PRDM16: variants seen among roughly 807,000 people sequenced by gnomAD.
PRDM16 encodes the protein histone-lysine N-methyltransferase PRDM16.
A neutral mutation model predicts 110.6 loss-of-function variants in PRDM16; 23 were observed. The observed-to-expected ratio is 0.21, with a 90% CI of 0.15 to 0.29. The LOEUF (loss-of-function observed/expected upper bound fraction) is 0.29. Among genes scored for constraint, PRDM16 ranks in the 10% least tolerant of loss-of-function variants. The pLI is 1.00. For synonymous variants in PRDM16, 799 were observed against 781.8 expected (o/e 1.02, Z -0.37); for missense variants, 1,615 against 1,794.3 (o/e 0.90, Z 1.81).
Position 3,434,317 on chromosome 1 carries a change from T to A in PRDM16, c.*506T>A, listed in dbSNP as rs961151487. The A allele has an allele frequency of 2.6e-5, 6 of 232,910 alleles. No individual in the cohort carries two copies. The highest frequency in any genetic ancestry group is 1.3e-3 in the Middle Eastern group (1 of 790). The allele number at this position is 232,910 out of a possible 1,614,324, so 14.4% of individuals were successfully genotyped here. A position where few individuals can be genotyped will look rare whatever the true frequency, so the allele number is the denominator to read the frequency against. On this transcript the variant is annotated 3_prime_UTR_variant, in exon 17 of 17. Transcript: ENST00000270722. ...GGTTTTAAAAATAGACAGTATTTTT[T>A]AAAAATCAAAAAATGACTTGCAAAT...
chr1:3,421,504 C>T (rs931266796), intron 12 of PRDM16, among the ~76,000 whole-genome samples: 5 of 152,216 alleles, frequency 3.3e-5, no homozygotes, highest in African/African-American at 1.2e-4. Flanking sequence ...CCCAGCTGCT[C>T]GGAGAACTCT....
intron 3 of PRDM16, among the ~76,000 whole-genome samples, chr1:3,375,769 A>G (rs1642980416): frequency 6.6e-6 from 1 of 151,672 alleles, no homozygotes; most frequent in African/African-American, 2.4e-5. Context: ...TCAGATGGAA[A>G]CTCCTCTTTG....
At position 3,382,547 on chromosome 1, in the gene PRDM16, A is replaced by G. The variant is rs1643119130; in HGVS notation, c.439-2605A>G. Among the ~76,000 whole-genome samples, 1 of 152,168 alleles carries G rather than the reference A, an allele frequency of 6.6e-6. No individual in the cohort carries two copies. Among genetic ancestry groups the G allele is most frequent in the African/African-American group, 2.4e-5 (1 of 41,430 alleles). Reference sequence around the variant, plus strand: ...ACAGCAGGGTGGCCACAGACTCCCCACCAAAGCGAGGCTTGAGCCAGCCGG... The same window carrying G: ...ACAGCAGGGTGGCCACAGACTCCCCGCCAAAGCGAGGCTTGAGCCAGCCGG... On this transcript the variant is annotated intron_variant, in intron 3 of 16. Transcript: ENST00000270722. The surrounding 1 kb of genome is among the most constrained non-coding windows in gnomAD (Gnocchi z 6.6).
intron 1 of PRDM16, among the ~76,000 whole-genome samples, chr1:3,176,973 A>ATTCATCC (rs1644098506): frequency 6.6e-6 from 1 of 150,508 alleles, no homozygotes; most frequent in South Asian, 2.1e-4. Flanking sequence ...TCCATCCATT[A>ATTCATCC]ACCCATCCAG....
Position 3,436,123 on chromosome 1 carries a change from T to C in PRDM16, c.*2312T>C, listed in dbSNP as rs1209251898. On this transcript the variant is annotated 3_prime_UTR_variant, in exon 17 of 17. Coordinates refer to ENST00000270722, the MANE Select transcript of PRDM16 (RefSeq NM_022114.4). ...ATCTAGATGGGATTCTTATAAAAATTCAACCTCAGACATAAACACCCCATT... is the reference window on the plus strand; with the variant it reads ...ATCTAGATGGGATTCTTATAAAAATCCAACCTCAGACATAAACACCCCATT... The C allele has an allele frequency of 4.3e-6, 1 of 230,628 alleles. No individual in the cohort carries two copies. The highest frequency in any genetic ancestry group is 8.6e-6 in the Non-Finnish European group (1 of 116,570). 14.3% of individuals were successfully genotyped at this position (230,628 alleles called of 1,614,324 possible).
chr1:3,227,642 GC>G (rs1444198175), intron 2 of PRDM16, among the ~76,000 whole-genome samples: 1 of 152,254 alleles, frequency 6.6e-6, no homozygotes, highest in Non-Finnish European at 1.5e-5. Context: ...GAGATGTAGG[GC>G]CCGGCTCCGG....
intron 2 of PRDM16, among the ~76,000 whole-genome samples, chr1:3,236,285 G>A (rs749551587): frequency 1.9e-4 from 29 of 152,162 alleles, no homozygotes; most frequent in Non-Finnish European, 3.1e-4. Flanking sequence ...GAGGCCTGGC[G>A]GGGGGTGGCT....
At chr1:3,078,593 A>C (rs1475776012) in intron 1 of PRDM16, among the ~76,000 whole-genome samples, 1 of 152,160 alleles carries the variant, frequency 6.6e-6, no homozygotes, top group African/African-American at 2.4e-5. Context: ...GGGTTATGTA[A>C]TTTTCTTTGC....
chr1:3,151,875 G>A (rs1296702162), intron 1 of PRDM16, among the ~76,000 whole-genome samples: 4 of 152,242 alleles, frequency 2.6e-5, no homozygotes, highest in African/African-American at 4.8e-5. Flanking sequence ...TGTCTCTGGA[G>A]CACCTTCCAG....
At chr1:3,375,136 C>T (rs1358889933) in intron 3 of PRDM16, among the ~76,000 whole-genome samples, 1 of 152,200 alleles carries the variant, frequency 6.6e-6, no homozygotes, top group East Asian at 1.9e-4. Context: ...CAGACAACCC[C>T]CACACTGTCA....
At chr1:3,351,848 C>A (rs1642501849) in intron 3 of PRDM16, among the ~76,000 whole-genome samples, 1 of 149,590 alleles carries the variant, frequency 6.7e-6, no homozygotes, top group South Asian at 2.2e-4. Flanking sequence ...TCCGCCTCCC[C>A]CTTGAGAACT....
At chr1:3,387,590 C>T (rs1198972218) in intron 4 of PRDM16, among the ~76,000 whole-genome samples, 1 of 152,204 alleles carries the variant, frequency 6.6e-6, no homozygotes, top group Non-Finnish European at 1.5e-5. Flanking sequence ...GCCACCGACG[C>T]TCCTGCCCAT....
At chr1:3,108,196 T>C (rs1642710427) in intron 1 of PRDM16, among the ~76,000 whole-genome samples, 1 of 152,258 alleles carries the variant, frequency 6.6e-6, no homozygotes, top group African/African-American at 2.4e-5. Context: ...CGTTTGTCCT[T>C]AGAGCTTTGC....
At chr1:3,402,712 G>A in intron 5 of PRDM16, 79 bp from the exon 6 acceptor site, 2 of 1,302,288 alleles carry the variant, frequency 1.5e-6, no homozygotes, top group Non-Finnish European at 2.2e-6. Context: ...TGGTGAGGGG[G>A]CCAGGTCTCC....
intron 12 of PRDM16, among the ~76,000 whole-genome samples, chr1:3,420,328 G>C (rs1391820942): frequency 6.6e-6 from 1 of 152,238 alleles, no homozygotes; most frequent in African/African-American, 2.4e-5. Context: ...AGGAGGGAAA[G>C]TGCCGGCCAT....
At chr1:3,078,996 T>C (rs1348239482) in intron 1 of PRDM16, among the ~76,000 whole-genome samples, 1 of 152,180 alleles carries the variant, frequency 6.6e-6, no homozygotes, top group Non-Finnish European at 1.5e-5. Flanking sequence ...AGACCAAAAA[T>C]GACGCTCACC....
Position 3,385,303 on chromosome 1 carries a change from A to G in PRDM16, c.573+17A>G, listed in dbSNP as rs370287328. On this transcript the variant is annotated intron_variant, in intron 4 of 16. Transcript: ENST00000270722. ...AGTGAGCAGGTAGGTCCGGGCTCATAACAGGGGCTTCTGCCTCTTGGAATT... is the reference window on the plus strand; with the variant it reads ...AGTGAGCAGGTAGGTCCGGGCTCATGACAGGGGCTTCTGCCTCTTGGAATT... The G allele has an allele frequency of 1.8e-4, 298 of 1,612,924 alleles. 3 individuals are homozygous for G. The African/African-American group carries it at 2.4e-3, about 13-fold the overall frequency.
chr1:3,205,721 G>A (rs2100835690), intron 2 of PRDM16, among the ~76,000 whole-genome samples: 1 of 152,278 alleles, frequency 6.6e-6, no homozygotes, highest in South Asian at 2.1e-4. Flanking sequence ...AGGGAAGGTG[G>A]TATGTGTGAG....
At chr1:3,400,321 C>T (rs966452251) in intron 5 of PRDM16, among the ~76,000 whole-genome samples, 1 of 152,242 alleles carries the variant, frequency 6.6e-6, no homozygotes, top group African/African-American at 2.4e-5. Flanking sequence ...GCCCTGAGGA[C>T]AGGACCTGCC....
Sources: gnomAD v4.1 joint callset for allele counts (sites outside exome capture counted in the v4.1 genomes callset) on GRCh38, gnomAD v4.1.1 for gene constraint, Gnocchi (gnomAD v3.1) non-coding constraint, MANE v1.5 for transcripts, NCBI Gene and HGNC (gene_info 2026-07-23, HGNC 2026-07-21) for gene names.